Variants in XYLT1 observed in about 807,000 individuals in gnomAD.
XYLT1 encodes xylosyltransferase 1.
A neutral mutation model predicts 91.3 loss-of-function variants in XYLT1; 36 were observed. That is an observed-to-expected ratio of 0.39 (90% CI 0.30 to 0.52). The LOEUF (loss-of-function observed/expected upper bound fraction) is 0.52, where lower values mean the gene tolerates loss of function less well. XYLT1 is among the 20% of genes least tolerant of loss of function. The pLI, the probability that XYLT1 is intolerant of heterozygous loss-of-function variation, is 0.68. For missense variants in XYLT1, 1,242 were observed against 1,284.5 expected, an observed-to-expected ratio of 0.97 and a Z score of 0.51; for synonymous variants, 588 against 532.0, an observed-to-expected ratio of 1.11 and a Z score of -1.45.
At chr16:17,348,785 T>C (rs2035180602) in intron 2 of XYLT1, among the ~76,000 whole-genome samples, 1 of 152,216 alleles carries the variant, frequency 6.6e-6, no homozygotes, top group Admixed American at 6.5e-5. Flanking sequence ...AACTAGAACC[T>C]GCAAACCCAG....
At chr16:17,271,351 CAG>C (rs1257137450) in intron 2 of XYLT1, among the ~76,000 whole-genome samples, 1 of 151,156 alleles carries the variant, frequency 6.6e-6, no homozygotes, top group Admixed American at 6.6e-5. Flanking sequence ...GAGAAAGACA[CAG>C]AGAGAGAGAG....
intron 1 of XYLT1, among the ~76,000 whole-genome samples, chr16:17,416,896 A>C (rs934506380): frequency 7.9e-5 from 12 of 152,186 alleles, no homozygotes; most frequent in Admixed American, 3.3e-4. Flanking sequence ...GAGACGTTTA[A>C]CCTTGGTGCT....
intron 10 of XYLT1, among the ~76,000 whole-genome samples, chr16:17,125,417 A>C (rs1350332311): frequency 6.6e-6 from 1 of 152,100 alleles, no homozygotes; most frequent in African/African-American, 2.4e-5. Flanking sequence ...CCGGGCCTGC[A>C]AGACTACTCC....
intron 3 of XYLT1, among the ~76,000 whole-genome samples, chr16:17,204,584 G>A (rs984906516): frequency 1.3e-5 from 2 of 152,156 alleles, no homozygotes; most frequent in African/African-American, 4.8e-5. Context: ...AGCGAGTCAG[G>A]AGAAAGATCA....
chr16:17,111,860 G>A (rs567990104), intron 11 of XYLT1, among the ~76,000 whole-genome samples: 2 of 152,316 alleles, frequency 1.3e-5, no homozygotes, highest in Non-Finnish European at 2.9e-5. Context: ...AGGAGCCACA[G>A]TGTTTGGAAG....
At chr16:17,183,363 G>T (rs564639219) in intron 5 of XYLT1, among the ~76,000 whole-genome samples, 189 of 152,240 alleles carry the variant, frequency 1.2e-3, no homozygotes, top group African/African-American at 4.1e-3. Context: ...CAGAAACCAA[G>T]GATTTAGATG....
At chr16:17,444,212 C>A (rs1208953468) in intron 1 of XYLT1, among the ~76,000 whole-genome samples, 1 of 152,210 alleles carries the variant, frequency 6.6e-6, no homozygotes, top group African/African-American at 2.4e-5. Context: ...TCTCAGCCCA[C>A]CATAGTCACC....
Position 17,135,500 on chromosome 16 carries a change from A to C in XYLT1, c.1765-765T>G, listed in dbSNP as rs554393509. The stretch of plus-strand genomic sequence containing the variant: ...CTGCCGCTGCACTCCAGCCTGGGTG[A>C]CAGAACAAGACTCTGTCTCAGAGAA... On this transcript the variant is annotated intron_variant, in intron 8 of 11. Transcript: ENST00000261381. Among the ~76,000 whole-genome samples the C allele has an allele frequency of 2.0e-5, 3 of 151,814 alleles. No homozygotes were observed. The South Asian group carries it at 6.3e-4, about 32-fold the overall frequency.
intron 3 of XYLT1, among the ~76,000 whole-genome samples, chr16:17,232,450 C>CATACAT (rs1555489499): frequency 6.7e-4 from 76 of 113,260 alleles, no homozygotes; most frequent in African/African-American, 2.7e-3. Context: ...TATATATATA[C>CATACAT]ATATATATAT....
At chr16:17,112,847 A>T (rs987502428) in intron 11 of XYLT1, among the ~76,000 whole-genome samples, 5 of 152,114 alleles carry the variant, frequency 3.3e-5, no homozygotes, top group African/African-American at 9.7e-5. Flanking sequence ...GGATTGATTG[A>T]TTCTTTTTTT....
At chr16:17,442,377 G>A (rs1008184315) in intron 1 of XYLT1, among the ~76,000 whole-genome samples, 3 of 152,132 alleles carry the variant, frequency 2.0e-5, no homozygotes, top group African/African-American at 7.2e-5. Flanking sequence ...AAGTGTTAAA[G>A]TGATTTTTGC....
intron 2 of XYLT1, among the ~76,000 whole-genome samples, chr16:17,293,156 G>C (rs2034256221): frequency 6.6e-6 from 1 of 152,196 alleles, no homozygotes. Flanking sequence ...TTGGGAAGTT[G>C]ATTCTCTGTC....
At chr16:17,213,643 G>A (rs2032802940) in intron 3 of XYLT1, among the ~76,000 whole-genome samples, 1 of 151,126 alleles carries the variant, frequency 6.6e-6, no homozygotes, top group African/African-American at 2.4e-5. Context: ...TTTTGAGACT[G>A]AGTCTCGCAC....
intron 1 of XYLT1, among the ~76,000 whole-genome samples, chr16:17,433,342 C>T (rs573330631): frequency 6.6e-6 from 1 of 152,296 alleles, no homozygotes; most frequent in East Asian, 1.9e-4. Flanking sequence ...GGCTTGCCTC[C>T]AGATGGAGAA....
chr16:17,358,219 G>A (rs1567391366), intron 1 of XYLT1, among the ~76,000 whole-genome samples, 169 bp from the exon 2 acceptor site: 1 of 150,374 alleles, frequency 6.7e-6, no homozygotes, highest in Non-Finnish European at 1.5e-5. Flanking sequence ...CTGCAGCCTC[G>A]ACCTCCAGGG....
intron 1 of XYLT1, among the ~76,000 whole-genome samples, chr16:17,436,868 G>A (rs2036465312): frequency 6.6e-6 from 1 of 152,230 alleles, no homozygotes; most frequent in Non-Finnish European, 1.5e-5. Flanking sequence ...ACACAGGCGT[G>A]AGAGAAGTGA....
chr16:17,393,743 A>G (rs1164701752), intron 1 of XYLT1, among the ~76,000 whole-genome samples: 2 of 151,678 alleles, frequency 1.3e-5, no homozygotes, highest in Admixed American at 6.6e-5. Flanking sequence ...GGGAGACCCC[A>G]TCTCAAAAGA....
At chr16:17,331,004 GC>G (rs1281198625) in intron 2 of XYLT1, among the ~76,000 whole-genome samples, 2 of 152,164 alleles carry the variant, frequency 1.3e-5, no homozygotes, top group Non-Finnish European at 2.9e-5. Flanking sequence ...ATGTTCCACC[GC>G]CCTGCACAAA....
In XYLT1 at chr16:17,200,550, G is replaced by T. The variant is rs781180197; in HGVS notation, c.1018C>A (p.Arg340=). Residue 340 remains arginine, a synonymous_variant, in exon 4 of 12, where the codon CGG becomes AGG. Transcript: ENST00000261381. The part of the protein sequence containing the change: ...FVLVVHGRAS[R]QLQRMFKAIY... Reference sequence around the variant, plus strand: ...GCCTTGAACATGCGCTGCAACTGCCGAGAGGCACGGCCGTGGACCACCAGG... The same window carrying T: ...GCCTTGAACATGCGCTGCAACTGCCTAGAGGCACGGCCGTGGACCACCAGG... The T allele has an allele frequency of 1.2e-5, 20 of 1,614,070 alleles. No individual in the cohort carries two copies. Among genetic ancestry groups the T allele is most frequent in the Admixed American group, 1.7e-5 (1 of 59,998 alleles).
Sources: gnomAD v4.1 joint callset for allele counts (sites outside exome capture counted in the v4.1 genomes callset) on GRCh38, gnomAD v4.1.1 for gene constraint, MANE v1.5 for transcripts, NCBI Gene and HGNC (gene_info 2026-07-23, HGNC 2026-07-21) for gene names.